The following NRXN3 variants were observed in gnomAD, a reference collection of about 807,000 sequenced individuals.
The protein encoded by NRXN3 is neurexin 3.
A neutral mutation model predicts 137.6 loss-of-function variants in NRXN3; 32 were observed. The observed-to-expected ratio is 0.23, with a 90% CI of 0.18 to 0.31. The LOEUF (loss-of-function observed/expected upper bound fraction) is 0.31. Among genes scored for constraint, NRXN3 ranks in the 10% least tolerant of loss-of-function variants. The pLI is 1.00. For synonymous variants in NRXN3, 798 were observed against 784.5 expected, an observed-to-expected ratio of 1.02 and a Z score of -0.29; for missense variants, 1,574 against 2,062.5, an observed-to-expected ratio of 0.76 and a Z score of 4.59.
At chr14:78,313,684 A>G (rs2153546886) in intron 4 of NRXN3, among the ~76,000 whole-genome samples, 1 of 152,242 alleles carries the variant, frequency 6.6e-6, no homozygotes, top group Non-Finnish European at 1.5e-5. Context: ...CGATACCATC[A>G]TTTCAATTAA....
intron 4 of NRXN3, among the ~76,000 whole-genome samples, chr14:78,447,333 T>A (rs1195560816): frequency 1.3e-5 from 2 of 152,278 alleles, no homozygotes; most frequent in Non-Finnish European, 2.9e-5. Context: ...ATTCTTTTAA[T>A]CATACATTTT....
At chr14:78,891,402 A>C (rs1156554460) in intron 10 of NRXN3, among the ~76,000 whole-genome samples, 2 of 152,068 alleles carry the variant, frequency 1.3e-5, no homozygotes, top group Middle Eastern at 6.8e-3. Context: ...CTGTGTTTTT[A>C]TGCATTACTG....
intron 15 of NRXN3, among the ~76,000 whole-genome samples, chr14:79,216,310 A>G (rs2068493636): frequency 6.6e-6 from 1 of 152,176 alleles, no homozygotes; most frequent in Non-Finnish European, 1.5e-5. Context: ...GAGCCTTCCA[A>G]GAGAACCAGG....
intron 17 of NRXN3, among the ~76,000 whole-genome samples, chr14:79,681,404 C>T (rs1026495462): frequency 1.9e-4 from 29 of 152,176 alleles, no homozygotes; most frequent in Non-Finnish European, 3.2e-4. Context: ...GTGTTTTTTT[C>T]TCTTCTGGGT....
At chr14:78,899,250 A>G (rs1430009865) in intron 10 of NRXN3, among the ~76,000 whole-genome samples, 1 of 151,988 alleles carries the variant, frequency 6.6e-6, no homozygotes, top group Non-Finnish European at 1.5e-5. Flanking sequence ...AAAACACTTC[A>G]CAAGGGTTTG....
At chr14:78,321,244 T>A (rs17107338) in intron 4 of NRXN3, among the ~76,000 whole-genome samples, 6,173 of 152,156 alleles carry the variant, frequency 0.041, 454 homozygotes, top group East Asian at 0.32. Flanking sequence ...GTCTCGTGCA[T>A]GCTGCTACTT....
At chr14:78,545,059 G>A (rs2096625065) in intron 4 of NRXN3, among the ~76,000 whole-genome samples, 1 of 152,300 alleles carries the variant, frequency 6.6e-6, no homozygotes, top group Middle Eastern at 3.4e-3. Context: ...GATAGTTTTA[G>A]ATGTTGTTTT....
chr14:78,643,027 A>T (rs796956776), intron 4 of NRXN3, among the ~76,000 whole-genome samples: 10 of 152,358 alleles, frequency 6.6e-5, no homozygotes, highest in African/African-American at 2.4e-4. Flanking sequence ...TCTGGAACAC[A>T]CAAGAGAAAC....
At chr14:79,120,340 A>G (rs764017202) in intron 15 of NRXN3, among the ~76,000 whole-genome samples, 1 of 152,164 alleles carries the variant, frequency 6.6e-6, no homozygotes, top group Non-Finnish European at 1.5e-5. Flanking sequence ...TTAAGTAATA[A>G]CAAAGCTGAA....
chr14:78,683,506 C>T (rs181180998), intron 6 of NRXN3, among the ~76,000 whole-genome samples: 8 of 152,250 alleles, frequency 5.3e-5, no homozygotes, highest in Non-Finnish European at 8.8e-5. Context: ...CATCCTATTC[C>T]GCTACAGAGT....
intron 16 of NRXN3, among the ~76,000 whole-genome samples, chr14:79,602,550 G>A (rs2097938777): frequency 6.6e-6 from 1 of 152,282 alleles, no homozygotes; most frequent in Non-Finnish European, 1.5e-5. Context: ...GGGATGGAAT[G>A]TGCTGGAGGG....
intron 10 of NRXN3, among the ~76,000 whole-genome samples, chr14:78,941,947 C>T (rs970995917): frequency 2.0e-5 from 3 of 152,124 alleles, no homozygotes; most frequent in African/African-American, 7.2e-5. Flanking sequence ...GAGGAGGCAC[C>T]ATTTAGAATC....
intron 4 of NRXN3, among the ~76,000 whole-genome samples, chr14:78,312,664 C>T (rs528465836): frequency 1.3e-4 from 20 of 150,934 alleles, no homozygotes; most frequent in Admixed American, 3.3e-4. Context: ...ACAATTTTTT[C>T]GGGGTTCTAC....
At chr14:79,668,879 T>C (rs184646392) in intron 17 of NRXN3, among the ~76,000 whole-genome samples, 81 of 152,230 alleles carry the variant, frequency 5.3e-4, no homozygotes, top group African/African-American at 1.9e-3. Flanking sequence ...TTTGTTTAAA[T>C]GTTCATCATG....
At chr14:78,442,758 A>C (rs1246550798) in intron 4 of NRXN3, among the ~76,000 whole-genome samples, 1 of 152,206 alleles carries the variant, frequency 6.6e-6, no homozygotes, top group African/African-American at 2.4e-5. Flanking sequence ...GCTGGGTGAA[A>C]GGCCACATTT....
intron 4 of NRXN3, among the ~76,000 whole-genome samples, chr14:78,299,717 A>T (rs929465590): frequency 6.6e-6 from 1 of 152,164 alleles, no homozygotes. Context: ...CTGGTATGAA[A>T]AACATTTGGA....
At chr14:79,342,498 T>C (rs1370531922) in intron 15 of NRXN3, among the ~76,000 whole-genome samples, 3 of 143,964 alleles carry the variant, frequency 2.1e-5, no homozygotes, top group Non-Finnish European at 4.6e-5. Flanking sequence ...GTACTACTAC[T>C]TTTTTTTTTT....
At chr14:79,576,502 T>C (rs1051405206) in intron 16 of NRXN3, among the ~76,000 whole-genome samples, 19 of 152,206 alleles carry the variant, frequency 1.2e-4, no homozygotes, top group African/African-American at 4.1e-4. Context: ...ATTTGCTTAT[T>C]TGAAGAGTTG....
At chr14:79,532,053 G>A (rs1054068873) in intron 16 of NRXN3, among the ~76,000 whole-genome samples, 1 of 152,080 alleles carries the variant, frequency 6.6e-6, no homozygotes, top group Admixed American at 6.5e-5. Flanking sequence ...CTGGGCTGAG[G>A]CAGTTTATAG....
Sources: allele counts gnomAD v4.1 joint callset (sites outside exome capture counted in the v4.1 genomes callset), GRCh38; gene constraint gnomAD v4.1.1; transcripts MANE v1.5; gene names NCBI Gene and HGNC (gene_info 2026-07-23, HGNC 2026-07-21).